ZNF592: variants seen among roughly 807,000 people sequenced by gnomAD.
ZNF592 encodes spinocerebellar ataxia, autosomal recessive 5.
A neutral mutation model predicts 80.3 loss-of-function variants in ZNF592; 11 were observed. The ratio of observed to expected loss-of-function variants is 0.14; its 90% CI spans 0.09 to 0.23. The LOEUF is 0.23. Among genes scored for constraint, ZNF592 ranks in the 10% least tolerant of loss-of-function variants. The probability of loss-of-function intolerance (pLI) is 1.00; values close to 1 mark genes in which losing one functional copy is unlikely to be tolerated. For synonymous variants in ZNF592, 646 were observed against 640.3 expected (o/e 1.01, Z -0.13); for missense variants, 1,420 against 1,633.9 (o/e 0.87, Z 2.26).
Position 84,782,900 on chromosome 15 carries a change from C to A in ZNF592, c.225C>A (p.Arg75=), listed in dbSNP as rs1465472333. Residue 75 remains arginine, a synonymous_variant, in exon 4 of 11, where the codon CGC becomes CGA. Coordinates refer to ENST00000560079, the MANE Select transcript of ZNF592 (RefSeq NM_014630.3). ...GTGTCATTGTCAAGAACACCAGCCG[C>A]CAGGAGTCATTTGAAGCGGAGAAAG... is the stretch of plus-strand genomic sequence containing the variant. The part of the protein sequence containing the change: ...AVSVIVKNTS[R]QESFEAEKDH... 3.1e-6 allele frequency: 5 copies of A among 1,614,042 alleles called. No individual in the cohort carries two copies. In the African/African-American group the frequency reaches 5.3e-5, roughly 17 times the overall value.
intron 4 of ZNF592, among the ~76,000 whole-genome samples, chr15:84,785,312 C>CT (rs749939763): frequency 0.017 from 2,472 of 144,510 alleles, 54 homozygotes; most frequent in African/African-American, 0.053. Context: ...AGAACTTTGT[C>CT]TTTTTTTTTT....
chr15:84,783,283 A>G lies in ZNF592; in HGVS notation c.608A>G (p.Lys203Arg). The change falls in exon 4 of 11, where the codon AAA becomes AGA. Residue 203 changes from lysine to arginine, a missense_variant. By Grantham distance (26) the Lys-to-Arg change is conservative (BLOSUM62 2). Transcript: ENST00000560079. This position sits in a 1 kb window ranked among gnomAD's most constrained non-coding sequence, Gnocchi z 5.0. ...ELHMFDHFCK[K>R]EPKPEPLPLG... ...CATATGTTTGATCATTTTTGTAAGA[A>G]AGAACCCAAGCCAGAACCCCTGCCC... 6.2e-7 allele frequency: 1 copy of G among 1,614,226 alleles called. No homozygotes were observed. The highest frequency in any genetic ancestry group is 1.1e-5 in the South Asian group (1 of 91,080).
At chr15:84,794,706 A>T (rs573938825) in intron 5 of ZNF592, among the ~76,000 whole-genome samples, 3 of 152,030 alleles carry the variant, frequency 2.0e-5, no homozygotes, top group Non-Finnish European at 4.4e-5. Context: ...TGAACTCCTG[A>T]CCTCAGGTGA....
At chr15:84,761,175 A>G (rs1203589722) in intron 1 of ZNF592, among the ~76,000 whole-genome samples, 1 of 152,108 alleles carries the variant, frequency 6.6e-6, no homozygotes, top group Non-Finnish European at 1.5e-5. Flanking sequence ...CATGTTGGCC[A>G]GGCCAGTCTC....
At chr15:84,788,053 C>G (rs956175871) in intron 4 of ZNF592, among the ~76,000 whole-genome samples, 2 of 151,940 alleles carry the variant, frequency 1.3e-5, no homozygotes, top group African/African-American at 4.8e-5. Context: ...GAATTTTTTC[C>G]TCCATATCCC....
At chr15:84,773,217 T>TG (rs2032628642) in intron 2 of ZNF592, among the ~76,000 whole-genome samples, 1 of 150,964 alleles carries the variant, frequency 6.6e-6, no homozygotes, top group Non-Finnish European at 1.5e-5. Context: ...CACCAGGGTT[T>TG]TTTTTTTTTT....
chr15:84,751,032 G>C (rs1898998798), intron 1 of ZNF592, among the ~76,000 whole-genome samples: 1 of 152,204 alleles, frequency 6.6e-6, no homozygotes, highest in South Asian at 2.1e-4. Context: ...AGCAGGTAAG[G>C]CAAGGCTTTC....
chr15:84,752,455 A>T (rs1418160659), intron 1 of ZNF592, among the ~76,000 whole-genome samples: 3 of 152,192 alleles, frequency 2.0e-5, no homozygotes, highest in Non-Finnish European at 4.4e-5. Flanking sequence ...GTGACTTTTG[A>T]ACTAGGCTTT....
chr15:84,751,659 C>T (rs1008092782), intron 1 of ZNF592, among the ~76,000 whole-genome samples: 1 of 151,274 alleles, frequency 6.6e-6, no homozygotes, highest in African/African-American at 2.4e-5. Flanking sequence ...AATCCCAGCA[C>T]TGTGGGACAC....
At chr15:84,771,287 A>G (rs569628461) in intron 2 of ZNF592, among the ~76,000 whole-genome samples, 3 of 152,318 alleles carry the variant, frequency 2.0e-5, no homozygotes, top group Admixed American at 6.5e-5. Context: ...GGAGGAGGGC[A>G]GAGCACTGGA....
At chr15:84,772,109 T>G (rs528164789) in intron 2 of ZNF592, among the ~76,000 whole-genome samples, 4 of 152,320 alleles carry the variant, frequency 2.6e-5, no homozygotes, top group Admixed American at 2.0e-4. Flanking sequence ...TTCCTTATTC[T>G]TTTAGCTATA....
intron 4 of ZNF592, among the ~76,000 whole-genome samples, chr15:84,789,262 C>G (rs978200677): frequency 2.6e-5 from 4 of 151,226 alleles, no homozygotes; most frequent in African/African-American, 9.7e-5. Flanking sequence ...AAAAAAAGTC[C>G]CTTCTTTTTT....
In ZNF592 at chr15:84,798,014, C is replaced by A. The variant is rs773314313; in HGVS notation, c.2545C>A (p.Gln849Lys). The change falls in exon 6 of 11, where the codon CAG becomes AAG. Residue 849 changes from glutamine to lysine, a missense_variant. Transcript: ENST00000560079. The surrounding 1 kb of genome is among the most constrained non-coding windows in gnomAD (Gnocchi z 4.5). ...ASSTADHSAT[Q>K]HPTQPHRPSQ... ...CAGCACTGCAGACCACAGTGCCACC[C>A]AGCACCCCACCCAGCCCCACAGACC... The A allele has an allele frequency of 6.2e-7, 1 of 1,614,072 alleles. No individual in the cohort carries two copies. The highest frequency in any genetic ancestry group is 8.5e-7 in the Non-Finnish European group (1 of 1,180,036).
intron 4 of ZNF592, among the ~76,000 whole-genome samples, chr15:84,787,083 C>T (rs1176174804): frequency 6.6e-6 from 1 of 152,022 alleles, no homozygotes; most frequent in Non-Finnish European, 1.5e-5. Context: ...AACTTCGGAC[C>T]TCAAGTGATC....
chr15:84,803,837 G>T lies in ZNF592; in HGVS notation c.*1444G>T, dbSNP rs1268313215. ...AGGGCCCACCCAAGCACGAGGAGCA[G>T]GCTGTGTGGAGGTGTCGTCTGACCT... On this transcript the variant is annotated 3_prime_UTR_variant, in exon 11 of 11. Transcript: ENST00000560079. 1 of 152,390 alleles carries T rather than the reference G, an allele frequency of 6.6e-6. No individual in the cohort carries two copies. The highest frequency in any genetic ancestry group is 2.4e-5 in the African/African-American group (1 of 41,586). The allele number at this position is 152,390 out of a possible 1,614,324, so 9.4% of individuals were successfully genotyped here.
chr15:84,792,473 G>A lies in ZNF592; in HGVS notation c.2399+1590G>A, dbSNP rs565170247. Among the ~76,000 whole-genome samples the A allele has an allele frequency of 8.6e-4, 131 of 152,162 alleles. 1 individual carries two copies. Among genetic ancestry groups the A allele is most frequent in the African/African-American group, 2.9e-3 (119 of 41,514 alleles). The stretch of plus-strand genomic sequence containing the variant: ...ACATTTTATTTGTATATTTTTTTGA[G>A]ACAGTGTCTCACTGTCACCCAGGCT... On this transcript the variant is annotated intron_variant, in intron 5 of 10. Coordinates refer to ENST00000560079, the MANE Select transcript of ZNF592 (RefSeq NM_014630.3).
chr15:84,750,082 G>A (rs1272686400), intron 1 of ZNF592, among the ~76,000 whole-genome samples: 1 of 152,202 alleles, frequency 6.6e-6, no homozygotes, highest in South Asian at 2.1e-4. Context: ...CGGGTGGATC[G>A]CCTGAGATCA....
intron 10 of ZNF592, 54 bp from the exon 11 acceptor site, chr15:84,801,809 G>A: frequency 6.2e-7 from 1 of 1,613,762 alleles, no homozygotes; most frequent in Non-Finnish European, 8.5e-7. Flanking sequence ...TTATGTCTAG[G>A]GGCTCATGTC....
At chr15:84,792,122 T>G (rs1962766746) in intron 5 of ZNF592, among the ~76,000 whole-genome samples, 1 of 151,942 alleles carries the variant, frequency 6.6e-6, no homozygotes, top group Non-Finnish European at 1.5e-5. Context: ...ATGGTCCAGA[T>G]GAGATGCTGA....
Sources: gnomAD v4.1 joint callset for allele counts (sites outside exome capture counted in the v4.1 genomes callset) on GRCh38, gnomAD v4.1.1 for gene constraint, Gnocchi (gnomAD v3.1) non-coding constraint, MANE v1.5 for transcripts, NCBI Gene and HGNC (gene_info 2026-07-23, HGNC 2026-07-21) for gene names.